KCNMB2: variants seen among roughly 807,000 people sequenced by gnomAD.
The protein encoded by KCNMB2 is potassium calcium-activated channel subfamily M regulatory beta subunit 2.
Under a neutral mutation model 24.5 loss-of-function variants are expected in KCNMB2, and 9 were observed. The observed-to-expected ratio is 0.37, with a 90% CI of 0.22 to 0.64. The LOEUF (loss-of-function observed/expected upper bound fraction) is 0.64, where lower values mean the gene tolerates loss of function less well. Among genes scored for constraint, KCNMB2 ranks in the 30% least tolerant of loss-of-function variants. The pLI is 0.63. For synonymous variants in KCNMB2, 109 were observed against 104.4 expected (o/e 1.04, Z -0.27); for missense variants, 226 against 284.3 (o/e 0.79, Z 1.47).
At chr3:178,780,351 A>C (rs901405690) in intron 1 of KCNMB2, among the ~76,000 whole-genome samples, 8 of 152,156 alleles carry the variant, frequency 5.3e-5, no homozygotes, top group Non-Finnish European at 1.0e-4. Flanking sequence ...CAACGATCTT[A>C]ATCCATCCTG....
At chr3:178,699,414 T>C (rs1577107491) in intron 1 of KCNMB2, among the ~76,000 whole-genome samples, 1 of 151,760 alleles carries the variant, frequency 6.6e-6, no homozygotes. Context: ...ACCAGCAAAG[T>C]GATATGAGGA....
chr3:178,744,724 A>AG (rs1723606957), intron 1 of KCNMB2, among the ~76,000 whole-genome samples: 1 of 151,888 alleles, frequency 6.6e-6, no homozygotes, highest in Non-Finnish European at 1.5e-5. Flanking sequence ...CCGAAAAAAA[A>AG]AAAGGATTAG....
At chr3:178,792,537 G>A (rs1713362909) in intron 1 of KCNMB2, among the ~76,000 whole-genome samples, 1 of 152,008 alleles carries the variant, frequency 6.6e-6, no homozygotes, top group African/African-American at 2.4e-5. Flanking sequence ...CAGAAAGCAA[G>A]CAATAAAATT....
chr3:178,657,466 T>G (rs577637964), intron 1 of KCNMB2, among the ~76,000 whole-genome samples: 37 of 152,082 alleles, frequency 2.4e-4, no homozygotes, highest in Non-Finnish European at 5.0e-4. Flanking sequence ...AAATCTTGGG[T>G]TTTCACCTGT....
intron 4 of KCNMB2, among the ~76,000 whole-genome samples, 178 bp from the exon 5 acceptor site, chr3:178,842,475 C>T (rs1183981576): frequency 6.6e-6 from 1 of 152,080 alleles, no homozygotes; most frequent in African/African-American, 2.4e-5. Context: ...TACCTTAAAA[C>T]ATTGTTTTAA....
chr3:178,567,425 C>A (rs1442326047), intron 1 of KCNMB2, among the ~76,000 whole-genome samples: 3 of 151,920 alleles, frequency 2.0e-5, no homozygotes, highest in Admixed American at 1.3e-4. Context: ...AGAAGGTATT[C>A]AATAAATGAT....
At chr3:178,768,725 A>C (rs1290280074) in intron 1 of KCNMB2, among the ~76,000 whole-genome samples, 2 of 152,164 alleles carry the variant, frequency 1.3e-5, no homozygotes, top group African/African-American at 4.8e-5. Flanking sequence ...ACGTGCATTT[A>C]CTTCTCAGGC....
chr3:178,613,204 C>T (rs1457532148), intron 1 of KCNMB2, among the ~76,000 whole-genome samples: 1 of 152,192 alleles, frequency 6.6e-6, no homozygotes. Context: ...TCACGACCCA[C>T]ATGGCCAACA....
intron 1 of KCNMB2, among the ~76,000 whole-genome samples, chr3:178,676,690 A>G (rs1202606656): frequency 2.6e-5 from 4 of 152,112 alleles, no homozygotes; most frequent in Non-Finnish European, 5.9e-5. Context: ...CTCACAGCAA[A>G]TGTCCTTACA....
chr3:178,569,487 T>C (rs1716692794), intron 1 of KCNMB2, among the ~76,000 whole-genome samples: 1 of 152,196 alleles, frequency 6.6e-6, no homozygotes, highest in Non-Finnish European at 1.5e-5. Context: ...AAATAATAGA[T>C]GCCACCTACA....
At chr3:178,554,443 A>T (rs529393387) in intron 1 of KCNMB2, among the ~76,000 whole-genome samples, 1 of 152,336 alleles carries the variant, frequency 6.6e-6, no homozygotes, top group Admixed American at 6.5e-5. Flanking sequence ...AATCACAGTG[A>T]TATTTAGAGA....
Position 178,701,932 on chromosome 3 carries a change from G to C in KCNMB2, c.-67-105411G>C, listed in dbSNP as rs149152629. Among the ~76,000 whole-genome samples, 1,455 of 152,164 alleles carry C rather than the reference G, an allele frequency of 9.6e-3. 29 individuals are homozygous for C. The highest frequency in any genetic ancestry group is 0.034 in the African/African-American group (1,392 of 41,496). On this transcript the variant is annotated intron_variant, in intron 1 of 4. Coordinates refer to ENST00000452583, the MANE Select transcript of KCNMB2 (RefSeq NM_181361.3). ...ACCATTACCATTTTGGGTATACTGG[G>C]TATATACCCAATGGAATATAAATCA...
intron 1 of KCNMB2, among the ~76,000 whole-genome samples, chr3:178,690,073 G>A (rs116384605): frequency 6.6e-6 from 1 of 152,084 alleles, no homozygotes; most frequent in Non-Finnish European, 1.5e-5. Flanking sequence ...TAGAAATCAG[G>A]AAATGTGTTA....
At chr3:178,554,678 A>G (rs1716066274) in intron 1 of KCNMB2, among the ~76,000 whole-genome samples, 1 of 152,202 alleles carries the variant, frequency 6.6e-6, no homozygotes, top group Non-Finnish European at 1.5e-5. Context: ...AAAGAACTCA[A>G]GTTTGCATTA....
At chr3:178,635,408 T>TACACACAC (rs58294929) in intron 1 of KCNMB2, among the ~76,000 whole-genome samples, 12,422 of 144,830 alleles carry the variant, frequency 0.086, 595 homozygotes, top group East Asian at 0.15. Context: ...TGCTTATGCA[T>TACACACAC]ACACACACAC....
chr3:178,778,195 G>A (rs1015687670), intron 1 of KCNMB2, among the ~76,000 whole-genome samples: 30 of 151,998 alleles, frequency 2.0e-4, no homozygotes, highest in African/African-American at 6.8e-4. Context: ...GTTTCAAGAA[G>A]GTGAAAAAGT....
chr3:178,613,546 G>A (rs894656520), intron 1 of KCNMB2, among the ~76,000 whole-genome samples: 2 of 152,008 alleles, frequency 1.3e-5, no homozygotes, highest in East Asian at 3.8e-4. Context: ...CTCCCCTTTT[G>A]TTTGTCTGGG....
intron 1 of KCNMB2, among the ~76,000 whole-genome samples, chr3:178,650,131 G>C (rs906824471): frequency 1.3e-5 from 2 of 152,100 alleles, no homozygotes; most frequent in Admixed American, 6.6e-5. Context: ...AGCTTGTTCA[G>C]TTTCCATGTA....
chr3:178,826,771 A>G (rs1370880797), intron 3 of KCNMB2, among the ~76,000 whole-genome samples: 1 of 152,244 alleles, frequency 6.6e-6, no homozygotes, highest in African/African-American at 2.4e-5. Flanking sequence ...GCTGAAATAC[A>G]GTAATTTGCT....
Sources: gnomAD v4.1 joint callset for allele counts (sites outside exome capture counted in the v4.1 genomes callset) on GRCh38, gnomAD v4.1.1 for gene constraint, MANE v1.5 for transcripts, NCBI Gene and HGNC (gene_info 2026-07-23, HGNC 2026-07-21) for gene names.